The following DISP3 variants were observed in gnomAD, a reference collection of about 807,000 sequenced individuals.
DISP3 encodes protein dispatched homolog 3.
In DISP3, 101 loss-of-function variants were observed where a neutral mutation model predicts 135.3. That is an observed-to-expected ratio of 0.75 (90% CI 0.64 to 0.88). DISP3 has a LOEUF of 0.88. Among genes scored for constraint, DISP3 ranks in the 40% least tolerant of loss-of-function variants. The pLI, the probability that DISP3 is intolerant of heterozygous loss-of-function variation, is 0.00. For synonymous variants in DISP3, 856 were observed against 817.0 expected (o/e 1.05, Z -0.81); for missense variants, 1,713 against 1,878.6 (o/e 0.91, Z 1.63).
Position 11,501,712 on chromosome 1 carries a change from G to T in DISP3, c.720G>T (p.Ala240=), listed in dbSNP as rs1641531958. The change falls in exon 2 of 21, where the codon GCG becomes GCT. Residue 240 remains alanine, a synonymous_variant. Transcript: ENST00000294484. The surrounding 1 kb of genome is among the most constrained non-coding windows in gnomAD (Gnocchi z 4.9). Reference sequence around the variant, plus strand: ...ACCAGCCCAGCATCCCGCCCCACGCGGCAGTCGCGGCCAATCAGAGCCGTG... The same window carrying T: ...ACCAGCCCAGCATCCCGCCCCACGCTGCAGTCGCGGCCAATCAGAGCCGTG... ...GRYQPSIPPH[A]AVAANQSRAR... The T allele has an allele frequency of 1.3e-6, 2 of 1,599,032 alleles. No homozygotes were observed. Among genetic ancestry groups the T allele is most frequent in the Non-Finnish European group, 1.7e-6 (2 of 1,172,992 alleles).
chr1:11,535,016 C>T lies in DISP3; in HGVS notation c.3541C>T (p.Gln1181Ter). ...GGCCCTGTCCTCCCTTGCAGGGGTG[C>T]AGAGCGCCCTGTGCGGCCTGGTGCT... Reference protein sequence around the residue: ...KQIFMEIVGVQSALCGLVLSL... With the variant: ...KQIFMEIVGV Residue 1181 changes from glutamine (Q) to a stop codon, truncating the protein, a stop_gained, in exon 19 of 21, where the codon CAG (glutamine) becomes TAG (stop). Coordinates refer to ENST00000294484, the MANE Select transcript of DISP3 (RefSeq NM_020780.2). LOFTEE classifies it high-confidence loss of function. The T allele has an allele frequency of 6.3e-7, 1 of 1,581,234 alleles. No homozygotes were observed. Among genetic ancestry groups the T allele is most frequent in the Non-Finnish European group, 8.6e-7 (1 of 1,166,984 alleles).
rs1044645993 is a variant in DISP3 at position 11,520,013 on chromosome 1, C to T, written c.2200+133C>T. On this transcript the variant is annotated intron_variant, in intron 9 of 20. Coordinates refer to ENST00000294484, the MANE Select transcript of DISP3 (RefSeq NM_020780.2). The surrounding 1 kb of genome is among the most constrained non-coding windows in gnomAD (Gnocchi z 4.8). ...GGCTGGGGTCTCTCCCTCTCTGACCCCCCCTCTTTCCTGTGCAGAATGAAG... is the reference window on the plus strand; with the variant it reads ...GGCTGGGGTCTCTCCCTCTCTGACCTCCCCTCTTTCCTGTGCAGAATGAAG... The T allele has an allele frequency of 1.2e-6, 1 of 823,952 alleles. No homozygotes were observed. Among genetic ancestry groups the T allele is most frequent in the Non-Finnish European group, 1.9e-6 (1 of 538,876 alleles). The allele number at this position is 823,952 out of a possible 1,614,324, so 51.0% of individuals were successfully genotyped here.
Position 11,534,453 on chromosome 1 carries a change from C to A in DISP3, c.3448C>A (p.Gln1150Lys). Residue 1150 changes from glutamine (Q) to lysine (K), a missense_variant, in exon 18 of 21, where the codon CAG becomes AAG. Around this residue, in one of 2 missense-constraint regions of DISP3, gnomAD observed 1,142 missense variants for 1,384.6 expected, o/e 0.82. Coordinates refer to ENST00000294484, the MANE Select transcript of DISP3 (RefSeq NM_020780.2). ...GCGCTGGGAGAGCTTCCTCCAGCAG[C>A]AGCTGCAGGCCTTGCCCGAGGGCTC... ...YLRWESFLQQ[Q>K]LQALPEGSVL... The A allele has an allele frequency of 6.2e-7, 1 of 1,614,214 alleles. No individual in the cohort carries two copies. The highest frequency in any genetic ancestry group is 8.5e-7 in the Non-Finnish European group (1 of 1,180,046).
At position 11,521,900 on chromosome 1, in the gene DISP3, C is replaced by T. The variant is rs963535625; in HGVS notation, c.2362+1052C>T. ...TAGTCACGTGGTTTAAGTGGAGAAG[C>T]GGGGTGAGGGAGTCTCCCAGGTGCT... On this transcript the variant is annotated intron_variant, in intron 10 of 20. Coordinates refer to ENST00000294484, the MANE Select transcript of DISP3 (RefSeq NM_020780.2). Among the ~76,000 whole-genome samples, 8 of 152,126 alleles carry T rather than the reference C, an allele frequency of 5.3e-5. No homozygotes were observed. In the East Asian group the frequency reaches 1.4e-3, roughly 26 times the overall value.
intron 3 of DISP3, 24 bp downstream of exon 3, chr1:11,502,921 T>C: frequency 6.3e-7 from 1 of 1,578,810 alleles, no homozygotes; most frequent in Non-Finnish European, 8.7e-7. Flanking sequence ...CTGCATCCTG[T>C]GTGTGCATGC....
Position 11,531,491 on chromosome 1 carries a change from G to A in DISP3, c.3230-74G>A. The A allele has an allele frequency of 1.3e-6, 2 of 1,599,050 alleles. No individual in the cohort carries two copies. Among genetic ancestry groups the A allele is most frequent in the South Asian group, 1.1e-5 (1 of 90,452 alleles). On this transcript the variant is annotated intron_variant, in intron 16 of 20. Coordinates refer to ENST00000294484, the MANE Select transcript of DISP3 (RefSeq NM_020780.2). The surrounding 1 kb of genome is among the most constrained non-coding windows in gnomAD (Gnocchi z 5.2). ...AAGCCTCAGAGGTATGTGAGTGCGTGGGCACAGGTGTGATGCAGGGGGACA... is the reference window on the plus strand; with the variant it reads ...AAGCCTCAGAGGTATGTGAGTGCGTAGGCACAGGTGTGATGCAGGGGGACA...
intron 19 of DISP3, among the ~76,000 whole-genome samples, 159 bp downstream of exon 19, chr1:11,535,283 C>G (rs80098610): frequency 0.015 from 2,239 of 152,278 alleles, 49 homozygotes; most frequent in African/African-American, 0.05. Context: ...TGCTCCTGAG[C>G]AGAGCCGGGG....
intron 3 of DISP3, among the ~76,000 whole-genome samples, chr1:11,511,386 C>T (rs895134352): frequency 6.6e-5 from 10 of 152,186 alleles, no homozygotes; most frequent in African/African-American, 2.4e-4. Flanking sequence ...TAAATACAAC[C>T]ATTCCAAATG....
chr1:11,524,021 C>A lies in DISP3; in HGVS notation c.2442C>A (p.Val814=), dbSNP rs1254377459. 6.2e-7 allele frequency: 1 copy of A among 1,613,292 alleles called. No individual in the cohort carries two copies. Among genetic ancestry groups the A allele is most frequent in the African/African-American group, 1.3e-5 (1 of 74,888 alleles). ...SLEKKRRGSG[V]PWASRPEATL... ...AGAAGAAGAGGCGAGGCTCAGGGGTCCCCTGGGCTAGCCGGCCTGAGGCCA... is the reference window on the plus strand; with the variant it reads ...AGAAGAAGAGGCGAGGCTCAGGGGTACCCTGGGCTAGCCGGCCTGAGGCCA... Residue 814 remains valine, a synonymous_variant, in exon 11 of 21, where the codon GTC becomes GTA. Coordinates refer to ENST00000294484, the MANE Select transcript of DISP3 (RefSeq NM_020780.2).
Position 11,535,515 on chromosome 1 carries a change from C to T in DISP3, c.3687C>T (p.Ser1229=), listed in dbSNP as rs3891105. ...VCLVVTIMYW[S]GWEMGAVEAI... ...TGGTGGTGACCATCATGTACTGGAG[C>T]GGCTGGGAGATGGGGGCTGTGGAAG... Residue 1229 remains serine (S), a synonymous_variant, in exon 20 of 21, where the codon AGC becomes AGT. Transcript: ENST00000294484. 4.8e-3 allele frequency: 7,781 copies of T among 1,612,682 alleles called. 304 individuals carry two copies. In the African/African-American group the frequency reaches 0.089, roughly 18 times the overall value.
chr1:11,519,832 C>T lies in DISP3; in HGVS notation c.2152C>T (p.His718Tyr). The T allele has an allele frequency of 1.2e-6, 2 of 1,612,444 alleles. No individual in the cohort carries two copies. The highest frequency in any genetic ancestry group is 1.7e-6 in the Non-Finnish European group (2 of 1,179,970). ...CATCGTGCAGCTGCAGGAGCTGCTGCACCACTGGGTCCTGTGGTCAGCCGT... is the reference window on the plus strand; with the variant it reads ...CATCGTGCAGCTGCAGGAGCTGCTGTACCACTGGGTCCTGTGGTCAGCCGT... ...HLIVQLQELL[H>Y]HWVLWSAVKS... The change falls in exon 9 of 21, where the codon CAC becomes TAC. Residue 718 changes from histidine to tyrosine, a missense_variant. His to Tyr is a moderately conservative substitution (Grantham distance 83, BLOSUM62 2). Around this residue, in one of 2 missense-constraint regions of DISP3, gnomAD observed 1,142 missense variants for 1,384.6 expected, o/e 0.82. Coordinates refer to ENST00000294484, the MANE Select transcript of DISP3 (RefSeq NM_020780.2). The surrounding 1 kb of genome is among the most constrained non-coding windows in gnomAD (Gnocchi z 4.3).
In DISP3 at chr1:11,491,039, C is replaced by A. The variant is rs1463846497; in HGVS notation, c.-3-9951C>A. Among the ~76,000 whole-genome samples, 1 of 152,180 alleles carries A rather than the reference C, an allele frequency of 6.6e-6. No homozygotes were observed. The highest frequency in any genetic ancestry group is 1.5e-5 in the Non-Finnish European group (1 of 68,036). ...GTGCTGTTTGTATCCCCCTGTCTGG[C>A]TGGCCCAAATGCCATCATTTCTTCC... On this transcript the variant is annotated intron_variant, in intron 1 of 20. Coordinates refer to ENST00000294484, the MANE Select transcript of DISP3 (RefSeq NM_020780.2). This position sits in a 1 kb window ranked among gnomAD's most constrained non-coding sequence, Gnocchi z 4.3.
At chr1:11,507,561 C>A (rs1405698162) in intron 3 of DISP3, among the ~76,000 whole-genome samples, 1 of 152,216 alleles carries the variant, frequency 6.6e-6, no homozygotes, top group African/African-American at 2.4e-5. Flanking sequence ...TTATCTGACT[C>A]CCAGCCAAGT....
At chr1:11,490,710 G>A (rs1048955970) in intron 1 of DISP3, among the ~76,000 whole-genome samples, 2 of 152,194 alleles carry the variant, frequency 1.3e-5, no homozygotes, top group African/African-American at 4.8e-5. Context: ...GCCAGAGAGG[G>A]TTAGTCGGGT....
rs1193378229 is a variant in DISP3, at chr1:11,534,408, C to T, written c.3403C>T (p.Gln1135Ter). 6.2e-7 allele frequency: 1 copy of T among 1,614,260 alleles called. No individual in the cohort carries two copies. Among genetic ancestry groups the T allele is most frequent in the Non-Finnish European group, 8.5e-7 (1 of 1,180,050 alleles). Residue 1135 changes from glutamine (Q) to a stop codon, truncating the protein, a stop_gained, in exon 18 of 21, where the codon CAG becomes TAG. Transcript: ENST00000294484. LOFTEE classifies it high-confidence loss of function. ...STTYKGKSSFQTYSDYLRWES... is the reference protein window; with the variant it reads ...STTYKGKSSF ...CACGTACAAGGGCAAATCCTCCTTC[C>T]AGACCTACTCGGACTACCTGCGCTG...
intron 1 of DISP3, among the ~76,000 whole-genome samples, chr1:11,484,107 C>A (rs1640973724): frequency 6.6e-6 from 1 of 152,216 alleles, no homozygotes; most frequent in South Asian, 2.1e-4. Flanking sequence ...TCGCTCCAGT[C>A]CTCTCCGCTG....
chr1:11,524,951 C>T (rs1224844731), intron 11 of DISP3, among the ~76,000 whole-genome samples: 17 of 147,654 alleles, frequency 1.2e-4, no homozygotes, highest in Admixed American at 1.1e-3. Context: ...TCTCCCTCAC[C>T]ACCTCCCCCA....
intron 2 of DISP3, 131 bp from the exon 3 acceptor site, chr1:11,502,547 G>T: frequency 1.4e-6 from 1 of 714,814 alleles, no homozygotes; most frequent in Non-Finnish European, 2.3e-6. Flanking sequence ...GGGGCCTGGG[G>T]TGGAGTTTTG....
At chr1:11,497,769 T>C (rs1462572609) in intron 1 of DISP3, among the ~76,000 whole-genome samples, 3 of 152,200 alleles carry the variant, frequency 2.0e-5, no homozygotes, top group Non-Finnish European at 2.9e-5. Context: ...TGGTTTTCCA[T>C]TTCTGAGTTA....
Sources: allele counts gnomAD v4.1 joint callset (sites outside exome capture counted in the v4.1 genomes callset), GRCh38; gene constraint gnomAD v4.1.1; regional missense constraint gnomAD v4.1.1; non-coding constraint Gnocchi (gnomAD v3.1); transcripts MANE v1.5; gene names NCBI Gene and HGNC (gene_info 2026-07-23, HGNC 2026-07-21).